Variants in ACSM2A observed in about 807,000 individuals in gnomAD.
ACSM2A encodes acyl-CoA synthetase medium chain family member 2A.
In ACSM2A, 72 loss-of-function variants were observed where a neutral mutation model predicts 76.6. The ratio of observed to expected loss-of-function variants is 0.94; its 90% confidence interval spans 0.78 to 1.14. The LOEUF is 1.14. Among genes scored for constraint, ACSM2A ranks in the 50% most tolerant of loss-of-function variants. The pLI, the probability that ACSM2A is intolerant of heterozygous loss-of-function variation, is 0.00. For synonymous variants in ACSM2A, 249 were observed against 255.9 expected (o/e 0.97, Z 0.26); for missense variants, 684 against 708.5 (o/e 0.97, Z 0.39).
At chr16:20,468,956 T>C (rs2013195077) in intron 3 of ACSM2A, among the ~76,000 whole-genome samples, 1 of 152,214 alleles carries the variant, frequency 6.6e-6, no homozygotes, top group Admixed American at 6.5e-5. Context: ...CATCTCACAT[T>C]GTCTTCAAAA....
rs147894332 is a variant in ACSM2A at position 20,471,605 on chromosome 16, G to C, written c.810G>C (p.Leu270Phe). 977 of 1,614,038 alleles carry C rather than the reference G, an allele frequency of 6.1e-4. 5 individuals carry two copies. The highest frequency in any genetic ancestry group is 4.9e-3 in the South Asian group (443 of 91,060). ...ACACAGGTTGGATACTGAACATCTT[G>C]TGCTCACTTATGGAACCTTGGGCAT... ...ISDTGWILNILCSLMEPWALG... is the reference protein window; with the variant it reads ...ISDTGWILNIFCSLMEPWALG... The change falls in exon 6 of 14, where the codon TTG (leucine) becomes TTC (phenylalanine). Residue 270 changes from leucine (L) to phenylalanine (F), a missense_variant. Around this residue, in one of 3 missense-constraint regions of ACSM2A, gnomAD observed 519 missense variants for 549.5 expected, o/e 0.94. Transcript: ENST00000573854.
At chr16:20,457,643 A>T (rs1477126684) in intron 1 of ACSM2A, among the ~76,000 whole-genome samples, 1 of 152,088 alleles carries the variant, frequency 6.6e-6, no homozygotes, top group African/African-American at 2.4e-5. Context: ...CCTCAGCAAA[A>T]TCAGCATACC....
At chr16:20,455,686 G>T (rs2012108460) in intron 1 of ACSM2A, among the ~76,000 whole-genome samples, 1 of 147,888 alleles carries the variant, frequency 6.8e-6, no homozygotes, top group African/African-American at 2.6e-5. Context: ...CATCAAAATA[G>T]AACCTTTTTA....
chr16:20,454,310 C>G (rs1285618745), intron 1 of ACSM2A, among the ~76,000 whole-genome samples: 2 of 151,562 alleles, frequency 1.3e-5, no homozygotes, highest in Non-Finnish European at 2.9e-5. Flanking sequence ...AAGAATGAGA[C>G]CCTGCAACTT....
At chr16:20,472,438 G>A (rs1198434563) in intron 6 of ACSM2A, among the ~76,000 whole-genome samples, 1 of 152,076 alleles carries the variant, frequency 6.6e-6, no homozygotes, top group Non-Finnish European at 1.5e-5. Flanking sequence ...TATCACTGGG[G>A]CACCTGCTTC....
At chr16:20,467,927 G>C (rs906558782) in intron 3 of ACSM2A, among the ~76,000 whole-genome samples, 1 of 151,916 alleles carries the variant, frequency 6.6e-6, no homozygotes, top group Non-Finnish European at 1.5e-5. Flanking sequence ...ACCTCTGCTT[G>C]CACACAGCCT....
chr16:20,467,241 G>A (rs527699800), intron 3 of ACSM2A, among the ~76,000 whole-genome samples: 14 of 152,326 alleles, frequency 9.2e-5, no homozygotes, highest in African/African-American at 2.9e-4. Context: ...TGAACATGTA[G>A]AGGTGGCCAG....
chr16:20,472,648 C>G (rs1423445157), intron 6 of ACSM2A, among the ~76,000 whole-genome samples: 1 of 151,764 alleles, frequency 6.6e-6, no homozygotes, highest in African/African-American at 2.4e-5. Context: ...AGCATCTGCC[C>G]CCCATAAGTT....
chr16:20,467,153 T>A (rs1316411593), intron 3 of ACSM2A, among the ~76,000 whole-genome samples: 1 of 152,144 alleles, frequency 6.6e-6, no homozygotes, highest in Non-Finnish European at 1.5e-5. Flanking sequence ...GGAGGGAAAC[T>A]TGAAAATTAT....
intron 1 of ACSM2A, among the ~76,000 whole-genome samples, chr16:20,458,223 T>G (rs2012314431): frequency 2.7e-5 from 4 of 150,744 alleles, no homozygotes; most frequent in African/African-American, 2.4e-5. Context: ...AAAATGACTA[T>G]ATTGCCAAAA....
At position 20,465,504 on chromosome 16, in the gene ACSM2A, T is replaced by C. The variant is rs1239822651; in HGVS notation, c.178-13T>C. The stretch of plus-strand genomic sequence containing the variant: ...CCAATGCCCCCTGATCAACAGGGCT[T>C]CTCTTTCCTCAGGCTGGCAAGCGAC... On this transcript the variant is annotated splice_polypyrimidine_tract_variant and intron_variant, in intron 2 of 13. Coordinates refer to ENST00000573854, the MANE Select transcript of ACSM2A (RefSeq NM_001308172.2). The C allele has an allele frequency of 1.9e-6, 3 of 1,613,648 alleles. No individual in the cohort carries two copies. The highest frequency in any genetic ancestry group is 2.2e-5 in the East Asian group (1 of 44,874).
chr16:20,483,599 A>AAAAAG (rs2014229234), intron 13 of ACSM2A, among the ~76,000 whole-genome samples: 2 of 146,902 alleles, frequency 1.4e-5, no homozygotes, highest in African/African-American at 5.3e-5. Flanking sequence ...AAAAAAAAAA[A>AAAAAG]AAAGTCTTTC....
At chr16:20,463,766 A>G (rs1259715294) in intron 2 of ACSM2A, among the ~76,000 whole-genome samples, 3 of 152,186 alleles carry the variant, frequency 2.0e-5, no homozygotes, top group African/African-American at 4.8e-5. Flanking sequence ...GAAATCACAC[A>G]GTATTTGGTT....
At chr16:20,473,047 C>G (rs1305756445) in intron 6 of ACSM2A, among the ~76,000 whole-genome samples, 2 of 152,126 alleles carry the variant, frequency 1.3e-5, no homozygotes, top group African/African-American at 4.8e-5. Flanking sequence ...AAAATGACCT[C>G]ATTTTGCTTA....
Position 20,460,267 on chromosome 16 carries a change from G to A in ACSM2A, c.153G>A (p.Leu51=). ...PAKFNFASDV[L]DHWADMEKAG... ...AGTTTAACTTTGCTAGTGATGTGTT[G>A]GATCACTGGGCTGACATGGAGAAGG... The change falls in exon 2 of 14, where the codon TTG becomes TTA. Residue 51 remains leucine, a synonymous_variant. Transcript: ENST00000573854. 1 of 1,613,684 alleles carries A rather than the reference G, an allele frequency of 6.2e-7. No homozygotes were observed. The highest frequency in any genetic ancestry group is 8.5e-7 in the Non-Finnish European group (1 of 1,179,770).
intron 2 of ACSM2A, among the ~76,000 whole-genome samples, chr16:20,460,528 C>G (rs1348493148): frequency 1.3e-5 from 2 of 152,104 alleles, no homozygotes; most frequent in African/African-American, 2.4e-5. Context: ...AGCCAACACA[C>G]AGTTTGTTTA....
chr16:20,466,408 T>C (rs879679423), intron 3 of ACSM2A, among the ~76,000 whole-genome samples: 3 of 152,130 alleles, frequency 2.0e-5, no homozygotes, highest in Non-Finnish European at 4.4e-5. Flanking sequence ...TGTGAAGATG[T>C]AATTATCTGA....
Position 20,480,618 on chromosome 16 carries a change from C to G in ACSM2A, c.1327C>G (p.Leu443Val). The change falls in exon 11 of 14, where the codon CTC (leucine) becomes GTC (valine). Residue 443 changes from leucine to valine, a missense_variant. This residue lies in a region of ACSM2A where 519 missense variants were observed against 549.5 expected (regional missense o/e 0.94). Transcript: ENST00000573854. ...AGCCAACATTCGAGGAGACTTTTGG[C>G]TCCTTGGAGACCGGGGAATCAAAGA... ...TAANIRGDFW[L>V]LGDRGIKDED... The G allele has an allele frequency of 6.2e-7, 1 of 1,613,670 alleles. No individual in the cohort carries two copies. The highest frequency in any genetic ancestry group is 8.5e-7 in the Non-Finnish European group (1 of 1,179,788).
intron 1 of ACSM2A, among the ~76,000 whole-genome samples, chr16:20,454,641 GA>G (rs370534758): frequency 2.6e-5 from 4 of 151,966 alleles, no homozygotes; most frequent in African/African-American, 9.6e-5. Context: ...CATCCCATGG[GA>G]AAAAAGAATC....
Sources: gnomAD v4.1 joint callset for allele counts (sites outside exome capture counted in the v4.1 genomes callset) on GRCh38, gnomAD v4.1.1 for gene constraint, gnomAD v4.1.1 regional missense constraint, MANE v1.5 for transcripts, NCBI Gene and HGNC (gene_info 2026-07-23, HGNC 2026-07-21) for gene names.